Variants in SEMA3A observed in about 807,000 individuals in gnomAD.
The protein encoded by SEMA3A is semaphorin 3A, also known as semaphorin-3A.
SEMA3A carries 29 observed loss-of-function variants against 97.9 expected under a neutral mutation model. That is an observed-to-expected ratio of 0.30 (90% confidence interval 0.22 to 0.40). SEMA3A has a LOEUF of 0.40. Ranked by LOEUF, SEMA3A falls within the 10% of genes least tolerant of loss-of-function variation. The pLI, the probability that SEMA3A is intolerant of heterozygous loss-of-function variation, is 1.00. For synonymous variants in SEMA3A, 321 were observed against 323.7 expected (o/e 0.99, Z 0.09); for missense variants, 763 against 951.3 (o/e 0.80, Z 2.60).
At chr7:84,028,039 A>G (rs1425216164) in intron 6 of SEMA3A, among the ~76,000 whole-genome samples, 1 of 152,228 alleles carries the variant, frequency 6.6e-6, no homozygotes, top group Admixed American at 6.5e-5. Context: ...ATTATTAATC[A>G]TGTAAGAAGG....
At chr7:83,990,169 G>GT (rs1401318111) in intron 12 of SEMA3A, among the ~76,000 whole-genome samples, 6 of 151,594 alleles carry the variant, frequency 4.0e-5, no homozygotes, top group Admixed American at 3.3e-4. Flanking sequence ...GGGGTTGTTT[G>GT]TTTTTTTCTT....
intron 2 of SEMA3A, among the ~76,000 whole-genome samples, chr7:84,307,528 G>A (rs572931871): frequency 6.6e-5 from 10 of 152,136 alleles, no homozygotes; most frequent in South Asian, 2.1e-4. Flanking sequence ...ATCACTAATC[G>A]GATTTGATGG....
chr7:84,262,430 G>T (rs1354922568), intron 3 of SEMA3A, among the ~76,000 whole-genome samples: 1 of 152,082 alleles, frequency 6.6e-6, no homozygotes, highest in Non-Finnish European at 1.5e-5. Context: ...GGTCAGGCTG[G>T]TCTTGAACTC....
intron 1 of SEMA3A, among the ~76,000 whole-genome samples, chr7:84,431,543 T>C (rs1804980954): frequency 6.6e-6 from 1 of 151,988 alleles, no homozygotes; most frequent in South Asian, 2.1e-4. Flanking sequence ...GACTAAAGCA[T>C]TTTTTGTCAT....
At chr7:84,193,456 C>T (rs539390202) in intron 1 of SEMA3A, among the ~76,000 whole-genome samples, 2 of 152,082 alleles carry the variant, frequency 1.3e-5, no homozygotes, top group African/African-American at 4.8e-5. Context: ...CTGCTCCACC[C>T]CCAATTTTAG....
At chr7:84,410,173 G>A (rs1190317732) in intron 1 of SEMA3A, among the ~76,000 whole-genome samples, 1 of 151,948 alleles carries the variant, frequency 6.6e-6, no homozygotes, top group Non-Finnish European at 1.5e-5. Context: ...TTATGTAACT[G>A]TCTGCTCTTA....
rs1345112222 is a variant in SEMA3A, at chr7:84,329,311, C to T, written c.-168-22019G>A. 3.9e-5 allele frequency among the ~76,000 whole-genome samples: 6 copies of T among 152,048 alleles called. No homozygotes were observed. In the East Asian group the frequency reaches 1.2e-3, roughly 29 times the overall value. On this transcript the variant is annotated intron_variant, in intron 2 of 3. Coordinates refer to the SEMA3A transcript ENST00000424555. The stretch of plus-strand genomic sequence containing the variant: ...AGGTAAAAGATGAGTTTTGAGATGT[C>T]ATGCAGCCGTGTCCAACCCTTTGAA...
intron 1 of SEMA3A, among the ~76,000 whole-genome samples, chr7:84,409,913 G>C (rs1804213085): frequency 6.6e-6 from 1 of 151,990 alleles, no homozygotes; most frequent in Admixed American, 6.6e-5. Flanking sequence ...GAGGTATAAA[G>C]TACAGAAATA....
intron 1 of SEMA3A, among the ~76,000 whole-genome samples, chr7:84,159,230 A>G (rs1309789062): frequency 1.3e-5 from 2 of 152,168 alleles, no homozygotes; most frequent in Non-Finnish European, 2.9e-5. Flanking sequence ...ATTGTTTACC[A>G]AGGTCTTAAA....
At chr7:84,334,835 G>C (rs928793935) in intron 2 of SEMA3A, among the ~76,000 whole-genome samples, 51 of 124,832 alleles carry the variant, frequency 4.1e-4, no homozygotes, top group African/African-American at 1.4e-3. Context: ...TCCTGGTCCT[G>C]CTCCCTGGCT....
At chr7:84,217,396 A>T (rs1324851843) in intron 3 of SEMA3A, among the ~76,000 whole-genome samples, 1 of 152,170 alleles carries the variant, frequency 6.6e-6, no homozygotes, top group African/African-American at 2.4e-5. Context: ...AAAGGAAACA[A>T]AGTCATTATT....
chr7:84,370,485 G>T (rs548294427), intron 2 of SEMA3A, among the ~76,000 whole-genome samples: 1 of 151,474 alleles, frequency 6.6e-6, no homozygotes, highest in African/African-American at 2.4e-5. Context: ...TTATAATTTC[G>T]TGTAAAAGTT....
chr7:84,052,497 G>C (rs1437596534), intron 5 of SEMA3A, among the ~76,000 whole-genome samples: 1 of 152,130 alleles, frequency 6.6e-6, no homozygotes, highest in Non-Finnish European at 1.5e-5. Flanking sequence ...GTTTATTTGT[G>C]TAGAGGTGTT....
At position 84,000,991 on chromosome 7, in the gene SEMA3A, T is replaced by A. The variant is rs188058218; in HGVS notation, c.1452+964A>T. 2.9e-3 allele frequency among the ~76,000 whole-genome samples: 443 copies of A among 152,120 alleles called. 3 individuals are homozygous for A. The highest frequency in any genetic ancestry group is 0.014 in the Middle Eastern group (4 of 294). On this transcript the variant is annotated intron_variant, in intron 12 of 16. Transcript: ENST00000265362. The stretch of plus-strand genomic sequence containing the variant: ...TAAACTACCACAGACACCTGAAGAC[T>A]AAATGAGATCACTTGAAGTTGTCAG...
At chr7:84,489,972 G>A (rs1018558445) in intron 1 of SEMA3A, among the ~76,000 whole-genome samples, 1 of 151,716 alleles carries the variant, frequency 6.6e-6, no homozygotes, top group Non-Finnish European at 1.5e-5. Context: ...TACTTATATT[G>A]TTTGTATTCT....
At chr7:84,366,058 C>G (rs1481344899) in intron 2 of SEMA3A, among the ~76,000 whole-genome samples, 1 of 151,428 alleles carries the variant, frequency 6.6e-6, no homozygotes, top group East Asian at 1.9e-4. Context: ...GGCATTTGTA[C>G]TACCTCTGAA....
chr7:84,011,385 A>G (rs778521808), intron 7 of SEMA3A, 88 bp from the exon 8 acceptor site: 117 of 842,148 alleles, frequency 1.4e-4, no homozygotes, highest in Admixed American at 5.0e-4. Context: ...TCAGACAAAC[A>G]TAAAATACAG....
At chr7:84,164,386 G>C (rs1224527752) in intron 1 of SEMA3A, among the ~76,000 whole-genome samples, 3 of 151,972 alleles carry the variant, frequency 2.0e-5, no homozygotes, top group African/African-American at 7.3e-5. Context: ...AAAAATTAAA[G>C]TTGTAGTTAA....
In SEMA3A at chr7:84,376,320, T is replaced by TCACATCTTCACCA. The variant is rs1803096886; in HGVS notation, c.-245-4421_-245-4420insTGGTGAAGATGTG. ...TCTATCAACAGTGTATAAGAAGTGT[T>TCACATCTTCACCA]GGCCGGGCGCGGTGGCTCACGCCTG... On this transcript the variant is annotated intron_variant, in intron 1 of 3. Transcript: ENST00000424555. 7.7e-3 allele frequency among the ~76,000 whole-genome samples: 1,147 copies of TCACATCTTCACCA among 148,636 alleles called. 104 individuals carry two copies. The highest frequency in any genetic ancestry group is 0.018 in the East Asian group (85 of 4,730).
Sources: gnomAD v4.1 joint callset for allele counts (sites outside exome capture counted in the v4.1 genomes callset) on GRCh38, gnomAD v4.1.1 for gene constraint, MANE v1.5 for transcripts, NCBI Gene and HGNC (gene_info 2026-07-23, HGNC 2026-07-21) for gene names.